Variants in DDX10 observed in about 807,000 individuals in gnomAD.
DDX10 encodes DEAD-box helicase 10, also known as probable ATP-dependent RNA helicase DDX10.
In DDX10, 74 loss-of-function variants were observed where a neutral mutation model predicts 104.3. That is an observed-to-expected ratio of 0.71 (90% CI 0.59 to 0.86). The LOEUF (loss-of-function observed/expected upper bound fraction) is 0.86, where lower values mean the gene tolerates loss of function less well. Ranked by LOEUF, DDX10 falls within the 40% of genes least tolerant of loss-of-function variation. The probability of loss-of-function intolerance (pLI) is 0.00; values close to 1 mark genes in which losing one functional copy is unlikely to be tolerated. For synonymous variants in DDX10, 351 were observed against 353.4 expected, an observed-to-expected ratio of 0.99 and a Z score of 0.08; for missense variants, 952 against 1,040.0, an observed-to-expected ratio of 0.92 and a Z score of 1.16.
intron 13 of DDX10, among the ~76,000 whole-genome samples, chr11:108,806,325 T>C (rs961047378): frequency 6.6e-6 from 1 of 152,216 alleles, no homozygotes; most frequent in Non-Finnish European, 1.5e-5. Context: ...CTTTAACAGA[T>C]ACGTCTTTTC....
At chr11:108,940,183 C>T (rs1864088495) in intron 17 of DDX10, 63 bp from the exon 18 acceptor site, 5 of 1,511,086 alleles carry the variant, frequency 3.3e-6, no homozygotes, top group Non-Finnish European at 3.6e-6. Flanking sequence ...TTAATTTTGT[C>T]CTATTTTAAA....
chr11:108,731,497 C>T (rs375736998), intron 13 of DDX10, among the ~76,000 whole-genome samples: 13 of 150,780 alleles, frequency 8.6e-5, no homozygotes, highest in African/African-American at 2.2e-4. Context: ...ACCCTGCAAC[C>T]GTGATCTCAA....
In DDX10 at chr11:108,932,395, G is replaced by A. The variant is rs1226711300; in HGVS notation, c.2451-7851G>A. Among the ~76,000 whole-genome samples the A allele has an allele frequency of 3.9e-5, 6 of 151,940 alleles. 1 individual carries two copies. Among genetic ancestry groups the A allele is most frequent in the African/African-American group, 7.3e-5 (3 of 41,210 alleles). ...TTTAGTCCCAGGGAGGTTGAGGCAG[G>A]AGGATTGTGTCAGCCCAGTTCAAGG... On this transcript the variant is annotated intron_variant, in intron 17 of 17. Coordinates refer to ENST00000322536, the MANE Select transcript of DDX10 (RefSeq NM_004398.4).
intron 13 of DDX10, among the ~76,000 whole-genome samples, chr11:108,747,085 T>C (rs1256904075): frequency 6.6e-6 from 1 of 152,116 alleles, no homozygotes; most frequent in Non-Finnish European, 1.5e-5. Context: ...TGAACATGTA[T>C]GTAAAGGGGT....
At chr11:108,768,239 G>A (rs916178212) in intron 13 of DDX10, among the ~76,000 whole-genome samples, 2 of 152,170 alleles carry the variant, frequency 1.3e-5, no homozygotes, top group Non-Finnish European at 2.9e-5. Context: ...TGAGGGGAGA[G>A]TCAGCGCCCC....
intron 13 of DDX10, among the ~76,000 whole-genome samples, chr11:108,796,421 G>C (rs1389993747): frequency 6.6e-6 from 1 of 152,128 alleles, no homozygotes; most frequent in Non-Finnish European, 1.5e-5. Flanking sequence ...ACTGAGTCTT[G>C]AATTAAATTG....
chr11:108,687,984 C>T (rs2094246947), intron 6 of DDX10, among the ~76,000 whole-genome samples: 2 of 152,132 alleles, frequency 1.3e-5, no homozygotes, highest in East Asian at 1.9e-4. Flanking sequence ...TACTATTCTG[C>T]CCCTTACCTC....
intron 16 of DDX10, among the ~76,000 whole-genome samples, chr11:108,910,689 C>G (rs1863657408): frequency 6.6e-6 from 1 of 151,032 alleles, no homozygotes; most frequent in African/African-American, 2.4e-5. Context: ...TAAAATACTC[C>G]CCCTTTCTGC....
intron 7 of DDX10, 91 bp from the exon 8 acceptor site, chr11:108,691,785 C>A: frequency 8.9e-7 from 1 of 1,126,860 alleles, no homozygotes; most frequent in Non-Finnish European, 1.2e-6. Flanking sequence ...CATTGCTCTG[C>A]TGTTGAGACT....
intron 16 of DDX10, among the ~76,000 whole-genome samples, chr11:108,877,144 A>G (rs1199532313): frequency 1.3e-5 from 2 of 152,232 alleles, no homozygotes; most frequent in South Asian, 2.1e-4. Flanking sequence ...GCAAAAATGG[A>G]TGAAATCCTC....
At chr11:108,872,835 T>G (rs2134624996) in intron 16 of DDX10, among the ~76,000 whole-genome samples, 1 of 116,574 alleles carries the variant, frequency 8.6e-6, no homozygotes. Flanking sequence ...CCCCCTCCCA[T>G]TTCCCTTTCT....
At chr11:108,938,124 A>G (rs188576613) in intron 17 of DDX10, among the ~76,000 whole-genome samples, 1 of 152,200 alleles carries the variant, frequency 6.6e-6, no homozygotes, top group East Asian at 1.9e-4. Context: ...TCATTATTTC[A>G]TTATTGCATA....
At chr11:108,732,460 T>A (rs1463994474) in intron 13 of DDX10, among the ~76,000 whole-genome samples, 1 of 152,204 alleles carries the variant, frequency 6.6e-6, no homozygotes, top group Non-Finnish European at 1.5e-5. Context: ...GGCTACTCAT[T>A]GTGTGCGCAC....
At chr11:108,674,326 G>A (rs1231800963) in intron 2 of DDX10, among the ~76,000 whole-genome samples, 1 of 152,072 alleles carries the variant, frequency 6.6e-6, no homozygotes, top group Non-Finnish European at 1.5e-5. Context: ...TATATTTACA[G>A]TGTATACATG....
chr11:108,910,110 T>C (rs1591121576), intron 16 of DDX10, among the ~76,000 whole-genome samples: 2 of 146,920 alleles, frequency 1.4e-5, no homozygotes, highest in South Asian at 4.3e-4. Context: ...GGGCCAAGGA[T>C]AAGGAAAGTG....
At chr11:108,825,059 G>A (rs2134581268) in intron 13 of DDX10, among the ~76,000 whole-genome samples, 1 of 152,312 alleles carries the variant, frequency 6.6e-6, no homozygotes, top group Middle Eastern at 3.4e-3. Flanking sequence ...AAGAAAGTCA[G>A]ATAGGGGTTG....
At chr11:108,853,337 A>G (rs1334298506) in intron 16 of DDX10, among the ~76,000 whole-genome samples, 2 of 152,204 alleles carry the variant, frequency 1.3e-5, no homozygotes, top group East Asian at 3.8e-4. Flanking sequence ...ATTTATGAAT[A>G]TTGCATGTTC....
At chr11:108,781,590 GA>G (rs1403057342) in intron 13 of DDX10, among the ~76,000 whole-genome samples, 1 of 152,082 alleles carries the variant, frequency 6.6e-6, no homozygotes, top group Non-Finnish European at 1.5e-5. Flanking sequence ...AAGGTAAAAA[GA>G]AAGAGATTTT....
intron 13 of DDX10, among the ~76,000 whole-genome samples, chr11:108,755,707 G>A (rs149190661): frequency 4.0e-3 from 605 of 152,078 alleles, no homozygotes; most frequent in Non-Finnish European, 7.1e-3. Flanking sequence ...TAGTGAAATG[G>A]TTCACAACGT....
Sources: allele counts gnomAD v4.1 joint callset (sites outside exome capture counted in the v4.1 genomes callset), GRCh38; gene constraint gnomAD v4.1.1; transcripts MANE v1.5; gene names NCBI Gene and HGNC (gene_info 2026-07-23, HGNC 2026-07-21).